The following HYOU1 variants were observed in gnomAD, a reference collection of about 807,000 sequenced individuals.
HYOU1 encodes the protein hypoxia up-regulated protein 1.
A neutral mutation model predicts 120.5 loss-of-function variants in HYOU1; 40 were observed. The ratio of observed to expected loss-of-function variants is 0.33; its 90% CI spans 0.26 to 0.43. The LOEUF (loss-of-function observed/expected upper bound fraction) is 0.43. Ranked by LOEUF, HYOU1 falls within the 20% of genes least tolerant of loss-of-function variation. The pLI is 1.00. For missense variants in HYOU1, 1,085 were observed against 1,278.3 expected (o/e 0.85, Z 2.31); for synonymous variants, 501 against 479.4 (o/e 1.05, Z -0.59).
In HYOU1 at chr11:119,054,665, G is replaced by C. The variant is rs2133606831; in HGVS notation, c.507C>G (p.Ile169Met). Residue 169 changes from isoleucine (I) to methionine (M), a missense_variant, in exon 7 of 26, where the codon ATC (isoleucine) becomes ATG (methionine). Ile to Met is a conservative substitution (Grantham distance 10). This residue lies in a region of HYOU1 where 515 missense variants were observed against 677.8 expected (regional missense o/e 0.76). Transcript: ENST00000617285. ...CTGGCACGGTGATCACTGCATCCTT[G>C]ATGGGCTGCTCTACAGATGACAACA... ...SLAEDFAEQP[I>M]KDAVITVPVF... is the part of the protein sequence containing the mutation. 1.4e-5 allele frequency: 23 copies of C among 1,612,188 alleles called. No homozygotes were observed. The highest frequency in any genetic ancestry group is 1.8e-5 in the Non-Finnish European group (21 of 1,179,924).
In HYOU1 at chr11:119,054,102, C is replaced by G. The variant is rs2133602770; in HGVS notation, c.794+19G>C. The G allele has an allele frequency of 4.6e-6, 7 of 1,531,482 alleles. No individual in the cohort carries two copies. The highest frequency in any genetic ancestry group is 5.4e-6 in the Non-Finnish European group (6 of 1,105,836). The allele number at this position is 1,531,482 out of a possible 1,614,324, so 94.9% of individuals were successfully genotyped here. ...TGAGGGTCTTCACAAGCAGCCCTCCCTGCCAAGTATCCACTTACCCTACTC... is the reference window on the plus strand; with the variant it reads ...TGAGGGTCTTCACAAGCAGCCCTCCGTGCCAAGTATCCACTTACCCTACTC... On this transcript the variant is annotated intron_variant, in intron 8 of 25. Coordinates refer to ENST00000617285, the MANE Select transcript of HYOU1 (RefSeq NM_006389.5).
Position 119,055,582 on chromosome 11 carries a change from G to A in HYOU1, c.186-11C>T, listed in dbSNP as rs1944704702. ...TTCCTCCGAGATTCCCTGAGGAAAA[G>A]AGATTTTGGGCCCAGGTGCCTGCAG... On this transcript the variant is annotated splice_polypyrimidine_tract_variant and intron_variant, in intron 3 of 25. Transcript: ENST00000617285. This position sits in a 1 kb window ranked among gnomAD's most constrained non-coding sequence, Gnocchi z 4.0. 6.2e-7 allele frequency: 1 copy of A among 1,612,952 alleles called. No individual in the cohort carries two copies. The highest frequency in any genetic ancestry group is 8.5e-7 in the Non-Finnish European group (1 of 1,179,052).
In HYOU1 at chr11:119,048,093, C is replaced by T. The variant is rs116733985; in HGVS notation, c.2377-13G>A. On this transcript the variant is annotated splice_polypyrimidine_tract_variant and intron_variant, in intron 20 of 25. Coordinates refer to ENST00000617285, the MANE Select transcript of HYOU1 (RefSeq NM_006389.5). The surrounding 1 kb of genome is among the most constrained non-coding windows in gnomAD (Gnocchi z 4.7). ...TCTCCTTCAACATCTGATGGATGTG[C>T]GATTGGGCAGAGGGGTGGAAGGGAC... is the stretch of plus-strand genomic sequence containing the variant. The T allele has an allele frequency of 4.5e-3, 7,202 of 1,613,896 alleles. 168 individuals are homozygous for T. The African/African-American group carries it at 0.064, about 14-fold the overall frequency.
chr11:119,045,963 C>T, intron 24 of HYOU1, 132 bp from the exon 25 acceptor site: 1 of 889,412 alleles, frequency 1.1e-6, no homozygotes, highest in South Asian at 1.5e-5. Context: ...GTCTCTTTGC[C>T]TACTCTGTTT....
In HYOU1 at chr11:119,048,193, TG is replaced by T; in HGVS notation, c.2376+54del. 1.9e-6 allele frequency: 3 copies of T among 1,606,980 alleles called. No homozygotes were observed. Among genetic ancestry groups the T allele is most frequent in the Non-Finnish European group, 2.5e-6 (3 of 1,177,026 alleles). On this transcript the variant is annotated intron_variant, in intron 20 of 25. Coordinates refer to ENST00000617285, the MANE Select transcript of HYOU1 (RefSeq NM_006389.5). This position sits in a 1 kb window ranked among gnomAD's most constrained non-coding sequence, Gnocchi z 4.7. ...CCCAGCTCTTCTCTCTCTCTGACCC[TG>T]GGAGAGGAAGGAGAGCTCCCACTCC...
In HYOU1 at chr11:119,046,821, G is replaced by A. The variant is rs1387914984; in HGVS notation, c.2596-19C>T. The A allele has an allele frequency of 4.4e-6, 7 of 1,597,666 alleles. No homozygotes were observed. Among genetic ancestry groups the A allele is most frequent in the Admixed American group, 1.7e-5 (1 of 59,942 alleles). On this transcript the variant is annotated intron_variant, in intron 22 of 25. Transcript: ENST00000617285. ...TCCAGGCCTGTGGGTGAGACCAGGA[G>A]AGGCTCCAAGCTAGCCATGGAGAGA...
In HYOU1 at chr11:119,052,001, G is replaced by A. The variant is rs2133589640; in HGVS notation, c.1206-50C>T. 1.1e-5 allele frequency: 18 copies of A among 1,613,168 alleles called. No individual in the cohort carries two copies. Among genetic ancestry groups the A allele is most frequent in the Non-Finnish European group, 1.2e-5 (14 of 1,179,262 alleles). On this transcript the variant is annotated intron_variant, in intron 11 of 25. Transcript: ENST00000617285. This position sits in a 1 kb window ranked among gnomAD's most constrained non-coding sequence, Gnocchi z 5.0. ...CGGTCTACCCTGGAGCATGCAACCG[G>A]GACTTCCCTCCCCTCAGCCCTCCAG...
At position 119,050,719 on chromosome 11, in the gene HYOU1, CCAAAAAAAAAAAAAAAA is replaced by C. The variant is rs2133580520; in HGVS notation, c.1665+299_1665+315del. Among the ~76,000 whole-genome samples the C allele has an allele frequency of 1.2e-3, 61 of 52,868 alleles. 5 individuals carry two copies. Among genetic ancestry groups the C allele is most frequent in the African/African-American group, 2.4e-3 (37 of 15,154 alleles). The allele number at this position is 52,868 out of a possible 152,430, so 34.7% of individuals were successfully genotyped here. On this transcript the variant is annotated intron_variant, in intron 14 of 25. Transcript: ENST00000617285. ...TTAAGTAACAGAGCCAAGACCCTCT[CCAAAAAAAAAAAAAAAA>C]AAAAAAAAAAAAAAAAAAAAAGAGT...
Position 119,046,559 on chromosome 11 carries a change from C to T in HYOU1, c.2836+3G>A. ...AACATGCAGCCAGGTACCCTGTTCT[C>T]ACCTGCTGGAGGGATGACCTTCTCC... On this transcript the variant is annotated splice_donor_region_variant and intron_variant, in intron 23 of 25. Transcript: ENST00000617285. 1.2e-6 allele frequency: 2 copies of T among 1,613,734 alleles called. No individual in the cohort carries two copies.
In HYOU1 at chr11:119,044,869, G is replaced by A. The variant is rs767599277; in HGVS notation, c.*724C>T. On this transcript the variant is annotated 3_prime_UTR_variant, in exon 26 of 26. Transcript: ENST00000617285. ...TGGCTTTCCTCTTCGGAGAGGTGGT[G>A]GGCTCCCTTCTTCACTGTGCCCCTC... The A allele has an allele frequency of 5.8e-5, 16 of 276,704 alleles. No homozygotes were observed. The highest frequency in any genetic ancestry group is 1.1e-4 in the Non-Finnish European group (14 of 132,058). 17.1% of individuals were successfully genotyped at this position (276,704 alleles called of 1,614,324 possible). A position where few individuals can be genotyped will look rare whatever the true frequency, so the allele number is the denominator to read the frequency against.
At position 119,054,502 on chromosome 11, in the gene HYOU1, T is replaced by C. The variant is rs1294113811; in HGVS notation, c.670A>G (p.Thr224Ala). The C allele has an allele frequency of 1.2e-6, 2 of 1,613,934 alleles. No individual in the cohort carries two copies. Among genetic ancestry groups the C allele is most frequent in the Non-Finnish European group, 1.7e-6 (2 of 1,180,004 alleles). Residue 224 changes from threonine (T) to alanine (A), a missense_variant, in exon 7 of 26, where the codon ACT (threonine) becomes GCT (alanine). Thr to Ala is a moderately conservative substitution (Grantham distance 58, BLOSUM62 0). Coordinates refer to ENST00000617285, the MANE Select transcript of HYOU1 (RefSeq NM_006389.5). ...AGGCTCCCCTGGCTCACCTGGGCAG[T>C]GGTGTTAATATCTTTCCGGCGGAAG... ...GVFRRKDINT[T>A]AQNIMFYDMG...
At chr11:119,047,061 C>CA in intron 22 of HYOU1, 2 of 335,224 alleles carry the variant, frequency 6.0e-6, no homozygotes, top group South Asian at 5.8e-5. Context: ...TTGAATAGTC[C>CA]TTTTTTTTTT....
At chr11:119,053,104 G>C (rs1944544636) in intron 8 of HYOU1, 1 of 402,614 alleles carries the variant, frequency 2.5e-6, no homozygotes, top group East Asian at 4.1e-5. Context: ...GGTGGGGAGA[G>C]AGACAGGGTC....
chr11:119,052,895 C>G lies in HYOU1; in HGVS notation c.795-66G>C. 7.1e-7 allele frequency: 1 copy of G among 1,414,286 alleles called. No individual in the cohort carries two copies. 87.6% of individuals were successfully genotyped at this position (1,414,286 alleles called of 1,614,324 possible). On this transcript the variant is annotated intron_variant, in intron 8 of 25. Coordinates refer to ENST00000617285, the MANE Select transcript of HYOU1 (RefSeq NM_006389.5). This position sits in a 1 kb window ranked among gnomAD's most constrained non-coding sequence, Gnocchi z 5.0. ...TGGAGTCCCCGCATCTGCACAGGAG[C>G]CTCTCATCCCCACATGGCACCTTTC...
Position 119,049,597 on chromosome 11 carries a change from T to A in HYOU1, c.1765A>T (p.Thr589Ser). ...NTISSLFGGG[T>S]TPDAKENGTD... ...CCATTCTCCTTGGCATCTGGTGTGGTACCGCCTCCAAACAGGCTGGAAATG... is the reference window on the plus strand; with the variant it reads ...CCATTCTCCTTGGCATCTGGTGTGGAACCGCCTCCAAACAGGCTGGAAATG... The change falls in exon 16 of 26, where the codon ACC becomes TCC. Residue 589 changes from threonine (T) to serine (S), a missense_variant. Physicochemically the swap from Thr to Ser is moderately conservative, Grantham distance 58 (BLOSUM62 1). Coordinates refer to ENST00000617285, the MANE Select transcript of HYOU1 (RefSeq NM_006389.5). 1 of 1,614,150 alleles carries A rather than the reference T, an allele frequency of 6.2e-7. No homozygotes were observed. The highest frequency in any genetic ancestry group is 8.5e-7 in the Non-Finnish European group (1 of 1,180,040).
chr11:119,052,484 T>G lies in HYOU1; in HGVS notation c.988-55A>C. 1 of 1,611,814 alleles carries G rather than the reference T, an allele frequency of 6.2e-7. No individual in the cohort carries two copies. The highest frequency in any genetic ancestry group is 8.5e-7 in the Non-Finnish European group (1 of 1,178,740). ...TCTTGCCCAGCTCCCGCTCTCTTGG[T>G]GAGTAGGACAGAAACAAAAAGAATA... On this transcript the variant is annotated intron_variant, in intron 9 of 25. Coordinates refer to ENST00000617285, the MANE Select transcript of HYOU1 (RefSeq NM_006389.5). The surrounding 1 kb of genome is among the most constrained non-coding windows in gnomAD (Gnocchi z 5.0).
Position 119,045,633 on chromosome 11 carries a change from G to A in HYOU1, c.2960C>T (p.Ser987Leu), listed in dbSNP as rs373526795. 2.1e-5 allele frequency: 34 copies of A among 1,614,092 alleles called. No homozygotes were observed. Among genetic ancestry groups the A allele is most frequent in the Middle Eastern group, 1.6e-4 (1 of 6,084 alleles). ...PGAEPEQKEQ[S>L]TGQKRPLKND... ...CTTCAAAGGCCGCTTCTGTCCTGTC[G>A]ATTGTTCTTTCTGTTCAGGTTCTGT... Residue 987 changes from serine (S) to leucine (L), a missense_variant, in exon 26 of 26, where the codon TCG (serine) becomes TTG (leucine). Ser to Leu is a moderately radical substitution (Grantham distance 145). Coordinates refer to ENST00000617285, the MANE Select transcript of HYOU1 (RefSeq NM_006389.5).
rs2133582180 is a variant in HYOU1 at position 119,051,045 on chromosome 11, C to A, written c.1655G>T (p.Ser552Ile). 1 of 1,614,230 alleles carries A rather than the reference C, an allele frequency of 6.2e-7. No homozygotes were observed. ...TCCTTTAGCTCTCACCCTGTCTAGA[C>A]TGAGCACGCCACTCTCATCCAGGTT... is the stretch of plus-strand genomic sequence containing the variant. ...HFNLDESGVL[S>I]LDRVESVFET... Residue 552 changes from serine (S) to isoleucine (I), a missense_variant, in exon 14 of 26, where the codon AGT becomes ATT. Around this residue, in one of 4 missense-constraint regions of HYOU1, gnomAD observed 515 missense variants for 677.8 expected, o/e 0.76. Coordinates refer to ENST00000617285, the MANE Select transcript of HYOU1 (RefSeq NM_006389.5). This position sits in a 1 kb window ranked among gnomAD's most constrained non-coding sequence, Gnocchi z 4.2.
Position 119,048,452 on chromosome 11 carries a change from G to A in HYOU1, c.2253+24C>T, listed in dbSNP as rs2133564423. On this transcript the variant is annotated intron_variant, in intron 19 of 25. Coordinates refer to ENST00000617285, the MANE Select transcript of HYOU1 (RefSeq NM_006389.5). The surrounding 1 kb of genome is among the most constrained non-coding windows in gnomAD (Gnocchi z 4.7). ...GAGCCAGGTGTAAGCCCAGTGGGGG[G>A]GCTGCTGCCTCCTGCCCACTGACCT... 1.9e-6 allele frequency: 3 copies of A among 1,613,316 alleles called. No homozygotes were observed. The highest frequency in any genetic ancestry group is 2.2e-5 in the South Asian group (2 of 91,072).
Sources: gnomAD v4.1 joint callset for allele counts (sites outside exome capture counted in the v4.1 genomes callset) on GRCh38, gnomAD v4.1.1 for gene constraint, gnomAD v4.1.1 regional missense constraint, Gnocchi (gnomAD v3.1) non-coding constraint, MANE v1.5 for transcripts, NCBI Gene and HGNC (gene_info 2026-07-23, HGNC 2026-07-21) for gene names.